The following IL1RAP variants were observed in gnomAD, a reference collection of about 807,000 sequenced individuals.
The protein encoded by IL1RAP is interleukin 1 receptor accessory protein, also known as interleukin-1 receptor accessory protein.
In IL1RAP, 35 loss-of-function variants were observed where a neutral mutation model predicts 60.7. The ratio of observed to expected loss-of-function variants is 0.58; its 90% CI spans 0.44 to 0.76. The LOEUF is 0.76. Ranked by LOEUF, IL1RAP falls within the 30% of genes least tolerant of loss-of-function variation. IL1RAP has a pLI of 0.00. For missense variants in IL1RAP, 572 were observed against 693.9 expected (o/e 0.82, Z 1.97); for synonymous variants, 268 against 250.9 (o/e 1.07, Z -0.64).
chr3:190,613,758 A>G (rs1731026184), intron 5 of IL1RAP, among the ~76,000 whole-genome samples: 1 of 151,974 alleles, frequency 6.6e-6, no homozygotes, highest in Admixed American at 6.6e-5. Flanking sequence ...GCTTGAACCT[A>G]CAAGGTGGAG....
At chr3:190,537,122 G>A (rs1305026682) in intron 1 of IL1RAP, among the ~76,000 whole-genome samples, 2 of 152,138 alleles carry the variant, frequency 1.3e-5, no homozygotes, top group African/African-American at 2.4e-5. Flanking sequence ...GAGCGATAAT[G>A]TGATATTTAA....
chr3:190,604,364 T>G lies in IL1RAP; in HGVS notation c.301T>G (p.Phe101Val). The change falls in exon 4 of 12, where the codon TTC becomes GTC. Residue 101 changes from phenylalanine to valine, a missense_variant. Physicochemically the swap from Phe to Val is conservative, Grantham distance 50 (BLOSUM62 -1). Transcript: ENST00000447382. ...RISKEKDVLW[F>V]RPTLLNDTGN... ...TAGTAAGGAGAAAGATGTGCTGTGG[T>G]TCCGGCCCACTCTCCTCAATGACAC... 6.2e-7 allele frequency: 1 copy of G among 1,613,814 alleles called. No homozygotes were observed. The highest frequency in any genetic ancestry group is 8.5e-7 in the Non-Finnish European group (1 of 1,179,972).
At chr3:190,583,015 A>G (rs1281790870) in intron 3 of IL1RAP, among the ~76,000 whole-genome samples, 1 of 152,094 alleles carries the variant, frequency 6.6e-6, no homozygotes, top group Non-Finnish European at 1.5e-5. Flanking sequence ...CTCAGCTCAA[A>G]AGTCCATTTC....
chr3:190,622,130 A>G (rs950029618), intron 6 of IL1RAP, among the ~76,000 whole-genome samples: 1 of 152,228 alleles, frequency 6.6e-6, no homozygotes, highest in African/African-American at 2.4e-5. Flanking sequence ...GAAGAAATAC[A>G]GAGAGAAGAA....
At chr3:190,549,970 T>C (rs375327072) in intron 1 of IL1RAP, among the ~76,000 whole-genome samples, 3 of 152,310 alleles carry the variant, frequency 2.0e-5, no homozygotes, top group East Asian at 3.9e-4. Flanking sequence ...TTCCCTTCTC[T>C]TCCTAGCAAA....
intron 5 of IL1RAP, among the ~76,000 whole-genome samples, chr3:190,611,232 A>G (rs761296713): frequency 1.3e-5 from 2 of 152,214 alleles, no homozygotes; most frequent in Non-Finnish European, 2.9e-5. Flanking sequence ...ACCATCAGAC[A>G]TGTTTCTTCT....
chr3:190,607,358 C>G (rs1242919851), intron 4 of IL1RAP, among the ~76,000 whole-genome samples: 1 of 152,126 alleles, frequency 6.6e-6, no homozygotes, highest in Non-Finnish European at 1.5e-5. Context: ...AGTTTTACAT[C>G]CATTCCATTT....
intron 4 of IL1RAP, among the ~76,000 whole-genome samples, chr3:190,608,245 C>G (rs1730519126): frequency 6.6e-6 from 1 of 152,140 alleles, no homozygotes. Flanking sequence ...TACTACACAC[C>G]TAGGCTATAT....
At chr3:190,596,993 C>T (rs566952962) in intron 3 of IL1RAP, among the ~76,000 whole-genome samples, 8 of 152,120 alleles carry the variant, frequency 5.3e-5, no homozygotes, top group African/African-American at 1.9e-4. Context: ...GGGCAAATAT[C>T]CCAAAGAAAA....
intron 9 of IL1RAP, among the ~76,000 whole-genome samples, chr3:190,638,978 C>T (rs571037432): frequency 2.6e-5 from 4 of 152,102 alleles, no homozygotes; most frequent in Admixed American, 2.0e-4. Flanking sequence ...GTTTTTGTTG[C>T]TGCTGTTGTT....
intron 2 of IL1RAP, among the ~76,000 whole-genome samples, chr3:190,556,684 C>T (rs375399229): frequency 1.3e-5 from 2 of 152,300 alleles, no homozygotes; most frequent in Admixed American, 6.5e-5. Context: ...GGACCTAGTA[C>T]ACACAAAGTG....
intron 7 of IL1RAP, among the ~76,000 whole-genome samples, chr3:190,623,883 C>T (rs1002302751): frequency 9.2e-5 from 14 of 152,154 alleles, no homozygotes; most frequent in African/African-American, 3.1e-4. Flanking sequence ...TGTGGCTCTT[C>T]GGTTCTTCTT....
chr3:190,553,902 A>T (rs1199872117), intron 1 of IL1RAP, among the ~76,000 whole-genome samples: 3 of 151,602 alleles, frequency 2.0e-5, no homozygotes, highest in Admixed American at 6.6e-5. Context: ...TCTACTAAAA[A>T]TACAAAAAAT....
At chr3:190,613,966 C>G (rs1292858709) in intron 5 of IL1RAP, among the ~76,000 whole-genome samples, 1 of 152,016 alleles carries the variant, frequency 6.6e-6, no homozygotes, top group Admixed American at 6.5e-5. Context: ...AAGACTTCTG[C>G]CATCTTGGAA....
chr3:190,618,450 G>A (rs982192855), intron 5 of IL1RAP, among the ~76,000 whole-genome samples: 16 of 152,148 alleles, frequency 1.1e-4, no homozygotes, highest in Admixed American at 3.3e-4. Context: ...ACCGTTATTC[G>A]GCTTTCTGGA....
chr3:190,623,534 C>T (rs1163400642), intron 7 of IL1RAP, 119 bp downstream of exon 7: 3 of 789,684 alleles, frequency 3.8e-6, no homozygotes, highest in Non-Finnish European at 6.3e-6. Flanking sequence ...TGAATTGAAA[C>T]TGAAATGTCA....
At chr3:190,647,593 A>G (rs1243306655) in intron 11 of IL1RAP, among the ~76,000 whole-genome samples, 2 of 152,190 alleles carry the variant, frequency 1.3e-5, no homozygotes, top group Non-Finnish European at 2.9e-5. Context: ...ATCATCTAGC[A>G]GCTGCCGAAA....
chr3:190,598,695 A>G (rs1248335170), intron 3 of IL1RAP, among the ~76,000 whole-genome samples: 2 of 151,932 alleles, frequency 1.3e-5, no homozygotes, highest in Non-Finnish European at 1.5e-5. Context: ...CTCTTCTAAT[A>G]TTTCCCATCT....
chr3:190,548,666 C>T (rs1724589219), intron 1 of IL1RAP, among the ~76,000 whole-genome samples: 1 of 152,238 alleles, frequency 6.6e-6, no homozygotes, highest in Non-Finnish European at 1.5e-5. Context: ...TTTCTCAGGC[C>T]TCTAAGACAG....
Sources: allele counts gnomAD v4.1 joint callset (sites outside exome capture counted in the v4.1 genomes callset), GRCh38; gene constraint gnomAD v4.1.1; transcripts MANE v1.5; gene names NCBI Gene and HGNC (gene_info 2026-07-23, HGNC 2026-07-21).